SLC6A5: variants seen among roughly 807,000 people sequenced by gnomAD.
The protein encoded by SLC6A5 is solute carrier family 6 member 5.
A neutral mutation model predicts 90.5 loss-of-function variants in SLC6A5; 58 were observed. That is an observed-to-expected ratio of 0.64 (90% confidence interval 0.52 to 0.80). The LOEUF (loss-of-function observed/expected upper bound fraction) is 0.80. Ranked by LOEUF, SLC6A5 falls within the 30% of genes least tolerant of loss-of-function variation. The pLI is 0.00. For missense variants in SLC6A5, 1,015 were observed against 1,017.6 expected, an observed-to-expected ratio of 1.00 and a Z score of 0.03; for synonymous variants, 427 against 401.4, an observed-to-expected ratio of 1.06 and a Z score of -0.76.
chr11:20,604,716 C>T (rs770626598), intron 3 of SLC6A5, among the ~76,000 whole-genome samples: 22 of 152,270 alleles, frequency 1.4e-4, no homozygotes, highest in Middle Eastern at 3.4e-3. Context: ...GCCACGTAAG[C>T]ACGGGTGCTA....
Position 20,606,942 on chromosome 11 carries a change from G to C in SLC6A5, c.680-65G>C. On this transcript the variant is annotated intron_variant, in intron 3 of 15. Coordinates refer to ENST00000525748, the MANE Select transcript of SLC6A5 (RefSeq NM_004211.5). ...GAGGGAGCTCAGCCCCTAGCCCAGA[G>C]GGTTAAGGAGGGCAGCAGCCTGCTT... is the stretch of plus-strand genomic sequence containing the variant. 2.5e-6 allele frequency: 4 copies of C among 1,608,970 alleles called. No individual in the cohort carries two copies. In the South Asian group the frequency reaches 3.3e-5, roughly 13 times the overall value.
chr11:20,600,343 AAG>A (rs1491188813), intron 1 of SLC6A5, among the ~76,000 whole-genome samples: 1 of 68,348 alleles, frequency 1.5e-5, no homozygotes, highest in Non-Finnish European at 3.2e-5. Flanking sequence ...GAGGAAGAAG[AAG>A]AAGAAGAAGA....
intron 8 of SLC6A5, 53 bp from the exon 9 acceptor site, chr11:20,627,927 C>T: frequency 7.2e-7 from 1 of 1,392,978 alleles, no homozygotes; most frequent in Non-Finnish European, 1.0e-6. Context: ...CTCCTCTCCC[C>T]TGGCGCCAGT....
chr11:20,601,413 C>G lies in SLC6A5; in HGVS notation c.288C>G (p.Asp96Glu). ...AGGCGGCCTCTGCAGCTCTGCGGGA[C>G]TTGAGAGAGGCGCAAGGCGCGCAGG... The part of the protein sequence containing the change: ...RAQAASAALR[D>E]LREAQGAQAS... The change falls in exon 2 of 16, where the codon GAC becomes GAG. Residue 96 changes from aspartate to glutamate, a missense_variant. Transcript: ENST00000525748. 1 of 1,605,806 alleles carries G rather than the reference C, an allele frequency of 6.2e-7. No homozygotes were observed. Among genetic ancestry groups the G allele is most frequent in the South Asian group, 1.1e-5 (1 of 89,944 alleles).
intron 10 of SLC6A5, among the ~76,000 whole-genome samples, chr11:20,633,555 G>C (rs1391982697): frequency 6.6e-6 from 1 of 152,000 alleles, no homozygotes; most frequent in Non-Finnish European, 1.5e-5. Flanking sequence ...GCCCCTTGCT[G>C]TGTCTTTAGT....
intron 7 of SLC6A5, among the ~76,000 whole-genome samples, chr11:20,618,540 G>A (rs1393868416): frequency 6.6e-6 from 1 of 152,188 alleles, no homozygotes; most frequent in African/African-American, 2.4e-5. Flanking sequence ...CCCAAGCTCA[G>A]TTCCAAGCCA....
chr11:20,615,626 C>T (rs1438793271), intron 6 of SLC6A5, among the ~76,000 whole-genome samples: 1 of 152,180 alleles, frequency 6.6e-6, no homozygotes, highest in Non-Finnish European at 1.5e-5. Flanking sequence ...CACGGCCTCC[C>T]AAAGTGCTGG....
chr11:20,636,439 G>T lies in SLC6A5; in HGVS notation c.1737+20G>T. The T allele has an allele frequency of 6.9e-7, 1 of 1,459,540 alleles. No homozygotes were observed. Among genetic ancestry groups the T allele is most frequent in the Middle Eastern group, 1.7e-4 (1 of 5,758 alleles). 90.4% of individuals were successfully genotyped at this position (1,459,540 alleles called of 1,614,324 possible). ...ACTATGGTGAGCCCCTTTTCCATCAGTCTCTATCCCATGCTCCTCTTGAAG... is the reference window on the plus strand; with the variant it reads ...ACTATGGTGAGCCCCTTTTCCATCATTCTCTATCCCATGCTCCTCTTGAAG... On this transcript the variant is annotated intron_variant, in intron 11 of 15. Transcript: ENST00000525748.
At chr11:20,641,912 TG>T (rs111896021) in intron 13 of SLC6A5, among the ~76,000 whole-genome samples, 3,947 of 152,030 alleles carry the variant, frequency 0.026, 45 homozygotes, top group Middle Eastern at 0.085. Flanking sequence ...CCAGAGATAA[TG>T]GAGGGTCAGA....
rs769266896 is a variant in SLC6A5 at position 20,607,152 on chromosome 11, G to A, written c.811+14G>A. 145 of 1,602,050 alleles carry A rather than the reference G, an allele frequency of 9.1e-5. No individual in the cohort carries two copies. The highest frequency in any genetic ancestry group is 1.2e-4 in the Non-Finnish European group (142 of 1,173,918). ...CAGCTCTACAAGGTGAGTCCAGCCT[G>A]CCGCTCAGCCTCCTCAGGCCCTTTC... On this transcript the variant is annotated intron_variant, in intron 4 of 15. Coordinates refer to ENST00000525748, the MANE Select transcript of SLC6A5 (RefSeq NM_004211.5).
chr11:20,608,271 T>C (rs752170712), intron 5 of SLC6A5, among the ~76,000 whole-genome samples: 1 of 151,942 alleles, frequency 6.6e-6, no homozygotes, highest in Non-Finnish European at 1.5e-5. Context: ...AGTCAGGGAG[T>C]GTTCCTGGAA....
At chr11:20,612,476 A>G (rs1245331984) in intron 5 of SLC6A5, among the ~76,000 whole-genome samples, 1 of 152,190 alleles carries the variant, frequency 6.6e-6, no homozygotes, top group Admixed American at 6.5e-5. Context: ...CACAGAGAAC[A>G]TAAAATGGGA....
At chr11:20,642,469 C>T (rs1007333327) in intron 13 of SLC6A5, among the ~76,000 whole-genome samples, 1 of 152,176 alleles carries the variant, frequency 6.6e-6, no homozygotes, top group East Asian at 1.9e-4. Flanking sequence ...CACCTTCTTT[C>T]CCCCCTGCTG....
intron 5 of SLC6A5, among the ~76,000 whole-genome samples, chr11:20,609,770 A>T (rs1029711693): frequency 2.6e-5 from 4 of 152,194 alleles, no homozygotes; most frequent in Non-Finnish European, 5.9e-5. Context: ...TCAGTGCTGC[A>T]AGGGACACAT....
At position 20,638,531 on chromosome 11, in the gene SLC6A5, G is replaced by A; in HGVS notation, c.1942G>A (p.Glu648Lys). The change falls in exon 13 of 16, where the codon GAG (glutamate) becomes AAG (lysine). Residue 648 changes from glutamate (E) to lysine (K), a missense_variant. Physicochemically the swap from Glu to Lys is moderately conservative, Grantham distance 56 (BLOSUM62 1). Around this residue, in one of 3 missense-constraint regions of SLC6A5, gnomAD observed 442 missense variants for 494.3 expected, o/e 0.89. Coordinates refer to ENST00000525748, the MANE Select transcript of SLC6A5 (RefSeq NM_004211.5). ...TGCCCTTGTCATCATTGCCATTTTTGAGCTCGTGGGGATCTCTTATGTGTA... is the reference window on the plus strand; with the variant it reads ...TGCCCTTGTCATCATTGCCATTTTTAAGCTCGTGGGGATCTCTTATGTGTA... ...SYALVIIAIF[E>K]LVGISYVYGL... The A allele has an allele frequency of 1.2e-6, 2 of 1,611,244 alleles. No individual in the cohort carries two copies. Among genetic ancestry groups the A allele is most frequent in the Non-Finnish European group, 8.5e-7 (1 of 1,177,476 alleles).
chr11:20,624,524 C>T (rs148192829), intron 7 of SLC6A5, among the ~76,000 whole-genome samples: 2 of 152,274 alleles, frequency 1.3e-5, no homozygotes, highest in African/African-American at 4.8e-5. Flanking sequence ...TTGAATCCGT[C>T]CTCATCTCCT....
In SLC6A5 at chr11:20,658,480, A is replaced by C. The variant is rs760231039; in HGVS notation, c.*3612A>C. On this transcript the variant is annotated 3_prime_UTR_variant, in exon 16 of 16. Coordinates refer to ENST00000525748, the MANE Select transcript of SLC6A5 (RefSeq NM_004211.5). ...AGAGGAGCATTTCCTTCTCTTTCACACTGGGTATCAAGCAGAAAACTTCCA... is the reference window on the plus strand; with the variant it reads ...AGAGGAGCATTTCCTTCTCTTTCACCCTGGGTATCAAGCAGAAAACTTCCA... 2.0e-5 allele frequency: 3 copies of C among 152,106 alleles called. No homozygotes were observed. The highest frequency in any genetic ancestry group is 2.9e-5 in the Non-Finnish European group (2 of 68,032). The allele number at this position is 152,106 out of a possible 1,614,324, so 9.4% of individuals were successfully genotyped here. A position where few individuals can be genotyped will look rare whatever the true frequency, so the allele number is the denominator to read the frequency against.
In SLC6A5 at chr11:20,657,066, A is replaced by G. The variant is rs1236100425; in HGVS notation, c.*2198A>G. The G allele has an allele frequency of 6.6e-6, 1 of 152,184 alleles. No homozygotes were observed. Among genetic ancestry groups the G allele is most frequent in the Non-Finnish European group, 1.5e-5 (1 of 68,046 alleles). The allele number at this position is 152,184 out of a possible 1,614,324, so 9.4% of individuals were successfully genotyped here. A position where few individuals can be genotyped will look rare whatever the true frequency, so the allele number is the denominator to read the frequency against. ...AGCTTAAATCAATTAGCATTCTCTC[A>G]TGGGACTGGTATGTTTGTGTCAGGA... On this transcript the variant is annotated 3_prime_UTR_variant, in exon 16 of 16. Coordinates refer to ENST00000525748, the MANE Select transcript of SLC6A5 (RefSeq NM_004211.5).
intron 14 of SLC6A5, 122 bp from the exon 15 acceptor site, chr11:20,652,164 ACTC>A: frequency 2.4e-6 from 2 of 850,586 alleles, no homozygotes; most frequent in Non-Finnish European, 4.0e-6. Context: ...TAATAATACT[ACTC>A]TTTCGTGGGT....
Sources: allele counts gnomAD v4.1 joint callset (sites outside exome capture counted in the v4.1 genomes callset), GRCh38; gene constraint gnomAD v4.1.1; regional missense constraint gnomAD v4.1.1; transcripts MANE v1.5; gene names NCBI Gene and HGNC (gene_info 2026-07-23, HGNC 2026-07-21).